Variants in PARVA observed in about 807,000 individuals in gnomAD.
PARVA encodes the protein parvin alpha.
In PARVA, 25 loss-of-function variants were observed where a neutral mutation model predicts 52.6. The ratio of observed to expected loss-of-function variants is 0.48; its 90% CI spans 0.35 to 0.66. The LOEUF (loss-of-function observed/expected upper bound fraction) is 0.66. PARVA is among the 30% of genes least tolerant of loss of function. The pLI is 0.01. For missense variants in PARVA, 373 were observed against 450.9 expected (o/e 0.83, Z 1.56); for synonymous variants, 185 against 179.1 (o/e 1.03, Z -0.26).
chr11:12,387,178 G>A (rs1008658747), intron 1 of PARVA, among the ~76,000 whole-genome samples: 1 of 152,198 alleles, frequency 6.6e-6, no homozygotes, highest in East Asian at 1.9e-4. Context: ...CTTTTAAAAA[G>A]TATGTGTAAA....
At chr11:12,377,946 C>T (rs1939426093) in intron 1 of PARVA, among the ~76,000 whole-genome samples, 163 bp downstream of exon 1, 1 of 148,258 alleles carries the variant, frequency 6.7e-6, no homozygotes, top group African/African-American at 2.4e-5. Flanking sequence ...CGGGCAGGAG[C>T]GACGCGCACC....
chr11:12,415,944 C>T (rs764412523), intron 1 of PARVA, among the ~76,000 whole-genome samples: 3 of 152,238 alleles, frequency 2.0e-5, no homozygotes, highest in African/African-American at 4.8e-5. Flanking sequence ...GCCTTCTCTA[C>T]TTAGCTGTTG....
intron 10 of PARVA, among the ~76,000 whole-genome samples, chr11:12,514,310 A>G (rs1030896970): frequency 6.6e-6 from 1 of 152,230 alleles, no homozygotes; most frequent in African/African-American, 2.4e-5. Context: ...ATATTTGGCC[A>G]CACCTCTCTC....
rs1331639754 is a variant in PARVA at position 12,532,581 on chromosome 11, CTA to C, written c.*4658_*4659del. On this transcript the variant is annotated 3_prime_UTR_variant, in exon 13 of 13. Transcript: ENST00000334956. ...AGCAGGGGAGACAGATGAAAAATAA[CTA>C]TGAATCGACGTTAGTTACAAATTGT... 6.6e-6 allele frequency among the ~76,000 whole-genome samples: 1 copy of C among 152,178 alleles called. No individual in the cohort carries two copies. Among genetic ancestry groups the C allele is most frequent in the Non-Finnish European group, 1.5e-5 (1 of 68,042 alleles).
At chr11:12,465,179 G>A (rs996761636) in intron 1 of PARVA, among the ~76,000 whole-genome samples, 4 of 152,010 alleles carry the variant, frequency 2.6e-5, no homozygotes, top group Non-Finnish European at 4.4e-5. Context: ...GGGGATGCCT[G>A]GATTAATCCA....
chr11:12,425,551 GTC>G (rs1257243731), intron 1 of PARVA, among the ~76,000 whole-genome samples: 2 of 152,080 alleles, frequency 1.3e-5, no homozygotes, highest in Non-Finnish European at 2.9e-5. Context: ...CAAAGTTCCT[GTC>G]TTTGTGATTC....
At chr11:12,499,402 C>CA (rs1344154992) in intron 5 of PARVA, among the ~76,000 whole-genome samples, 4 of 151,264 alleles carry the variant, frequency 2.6e-5, no homozygotes, top group Non-Finnish European at 5.9e-5. Flanking sequence ...GCTGAGTTAC[C>CA]AAGGTCCTTG....
intron 1 of PARVA, among the ~76,000 whole-genome samples, chr11:12,408,404 G>C (rs1471179432): frequency 6.6e-6 from 1 of 152,162 alleles, no homozygotes; most frequent in African/African-American, 2.4e-5. Context: ...GATTACTTGG[G>C]CCACAGCAGC....
chr11:12,388,894 T>C (rs1939618232), intron 1 of PARVA, among the ~76,000 whole-genome samples: 1 of 152,186 alleles, frequency 6.6e-6, no homozygotes, highest in Non-Finnish European at 1.5e-5. Context: ...TAATGCAACC[T>C]AAAGCTTTTT....
chr11:12,490,156 C>T lies in PARVA; in HGVS notation c.401-6302C>T, dbSNP rs1415395113. 3.2e-4 allele frequency among the ~76,000 whole-genome samples: 48 copies of T among 148,708 alleles called. 1 individual carries two copies. Among genetic ancestry groups the T allele is most frequent in the Non-Finnish European group, 7.4e-5 (5 of 67,546 alleles). The stretch of plus-strand genomic sequence containing the variant: ...GCGTGAACCAGGGAAGCAGAGCTTG[C>T]CGTGAGCCGAGATCGTGCCACTGCA... On this transcript the variant is annotated intron_variant, in intron 4 of 12. Transcript: ENST00000334956.
intron 1 of PARVA, among the ~76,000 whole-genome samples, chr11:12,458,720 A>C (rs1186035530): frequency 1.3e-5 from 2 of 151,116 alleles, no homozygotes; most frequent in Non-Finnish European, 2.9e-5. Context: ...AGCTTCTCAC[A>C]CCTCCCCTTT....
rs1464871947 is a variant in PARVA, at chr11:12,482,978, C to A, written c.400+5029C>A. Among the ~76,000 whole-genome samples, 9 of 152,210 alleles carry A rather than the reference C, an allele frequency of 5.9e-5. No individual in the cohort carries two copies. In the South Asian group the frequency reaches 8.3e-4, roughly 14 times the overall value. Reference sequence around the variant, plus strand: ...GGTGAAAGCCTGAACAGGTGAGCGTCCTTGAGATGCCATGTGACTTTGGCT... The same window carrying A: ...GGTGAAAGCCTGAACAGGTGAGCGTACTTGAGATGCCATGTGACTTTGGCT... On this transcript the variant is annotated intron_variant, in intron 4 of 12. Coordinates refer to ENST00000334956, the MANE Select transcript of PARVA (RefSeq NM_018222.5).
At chr11:12,497,068 C>T (rs1351777235) in intron 5 of PARVA, among the ~76,000 whole-genome samples, 1 of 152,172 alleles carries the variant, frequency 6.6e-6, no homozygotes, top group African/African-American at 2.4e-5. Flanking sequence ...AAAGATATGG[C>T]TGAGATCATA....
intron 1 of PARVA, among the ~76,000 whole-genome samples, chr11:12,410,046 A>G (rs906655214): frequency 1.3e-5 from 2 of 152,168 alleles, no homozygotes; most frequent in Non-Finnish European, 2.9e-5. Context: ...CAAATTCCAA[A>G]TGTGCCTCTA....
intron 1 of PARVA, among the ~76,000 whole-genome samples, chr11:12,379,946 G>A (rs1224804862): frequency 2.6e-5 from 4 of 152,166 alleles, no homozygotes; most frequent in African/African-American, 7.2e-5. Flanking sequence ...TGAAGCTCAT[G>A]ACCTACCAGG....
At chr11:12,524,594 C>T (rs1343139242) in intron 12 of PARVA, among the ~76,000 whole-genome samples, 2 of 152,222 alleles carry the variant, frequency 1.3e-5, no homozygotes, top group Non-Finnish European at 2.9e-5. Context: ...CATTTTACCT[C>T]CACCTGCTCT....
intron 4 of PARVA, among the ~76,000 whole-genome samples, chr11:12,488,823 C>T (rs1324352670): frequency 6.6e-6 from 1 of 152,026 alleles, no homozygotes; most frequent in African/African-American, 2.4e-5. Context: ...GTCACTAGTG[C>T]CCCAAGACAG....
intron 5 of PARVA, among the ~76,000 whole-genome samples, chr11:12,499,146 T>G (rs1484967957): frequency 6.6e-6 from 1 of 152,172 alleles, no homozygotes; most frequent in African/African-American, 2.4e-5. Flanking sequence ...TTTCCAGAAC[T>G]GAGATGGATT....
chr11:12,488,227 A>G (rs1463313189), intron 4 of PARVA, among the ~76,000 whole-genome samples: 1 of 152,208 alleles, frequency 6.6e-6, no homozygotes, highest in Non-Finnish European at 1.5e-5. Context: ...AGTGTTTCAG[A>G]GGTCCTAATT....
Sources: gnomAD v4.1 joint callset for allele counts (sites outside exome capture counted in the v4.1 genomes callset) on GRCh38, gnomAD v4.1.1 for gene constraint, MANE v1.5 for transcripts, NCBI Gene and HGNC (gene_info 2026-07-23, HGNC 2026-07-21) for gene names.